XKR6: variants seen among roughly 807,000 people sequenced by gnomAD.
The protein encoded by XKR6 is XK-related protein 6.
In XKR6, 22 loss-of-function variants were observed where a neutral mutation model predicts 56.7. The ratio of observed to expected loss-of-function variants is 0.39; its 90% confidence interval spans 0.28 to 0.55. The LOEUF (loss-of-function observed/expected upper bound fraction) is 0.55, where lower values mean the gene tolerates loss of function less well. Ranked by LOEUF, XKR6 falls within the 20% of genes least tolerant of loss-of-function variation. The pLI is 0.66. For synonymous variants in XKR6, 524 were observed against 387.8 expected (o/e 1.35, Z -4.13); for missense variants, 852 against 889.0 (o/e 0.96, Z 0.53).
chr8:11,161,218 G>A (rs765935676), intron 1 of XKR6, among the ~76,000 whole-genome samples: 11 of 152,232 alleles, frequency 7.2e-5, no homozygotes, highest in African/African-American at 2.6e-4. Flanking sequence ...AAACGCTTCC[G>A]AGTATCTCCC....
intron 1 of XKR6, among the ~76,000 whole-genome samples, chr8:11,198,818 T>C (rs1396560318): frequency 2.6e-5 from 4 of 152,104 alleles, no homozygotes; most frequent in African/African-American, 4.8e-5. Context: ...TGCTGCTGAA[T>C]TCTACTGGTA....
intron 1 of XKR6, among the ~76,000 whole-genome samples, chr8:10,960,146 G>A (rs1283786977): frequency 2.0e-5 from 3 of 152,230 alleles, no homozygotes; most frequent in Non-Finnish European, 4.4e-5. Context: ...TCTTTTCCTA[G>A]GCAGTTAGTT....
chr8:10,912,308 A>G (rs1284547942), intron 2 of XKR6, among the ~76,000 whole-genome samples: 3 of 13,272 alleles, frequency 2.3e-4, no homozygotes, highest in African/African-American at 6.4e-4. Context: ...GAGAGGGTGT[A>G]TATATATATA....
rs139064787 is a variant in XKR6 at position 11,101,328 on chromosome 8, G to A, written c.764+99248C>T. ...GGAGCTGGTTATATTCATGCAGAGC[G>A]GCCTTGAAAAAGATGCCGTGATTGG... On this transcript the variant is annotated intron_variant, in intron 1 of 2. Coordinates refer to ENST00000416569, the MANE Select transcript of XKR6 (RefSeq NM_173683.4). Among the ~76,000 whole-genome samples, 47 of 152,190 alleles carry A rather than the reference G, an allele frequency of 3.1e-4. No individual in the cohort carries two copies. The East Asian group carries it at 6.6e-3, about 21-fold the overall frequency.
chr8:10,995,043 A>G (rs906438472), intron 1 of XKR6, among the ~76,000 whole-genome samples: 1 of 152,210 alleles, frequency 6.6e-6, no homozygotes, highest in Non-Finnish European at 1.5e-5. Context: ...TTGTACGAAC[A>G]GCATTGTCTG....
intron 1 of XKR6, among the ~76,000 whole-genome samples, chr8:10,928,780 C>G (rs1030470204): frequency 6.6e-6 from 1 of 152,202 alleles, no homozygotes; most frequent in East Asian, 1.9e-4. Context: ...CAAGCCCCCT[C>G]CTTCTCCACC....
Position 10,932,221 on chromosome 8 carries a change from G to T in XKR6, c.765-7391C>A, listed in dbSNP as rs141643163. On this transcript the variant is annotated intron_variant, in intron 1 of 2. Coordinates refer to ENST00000416569, the MANE Select transcript of XKR6 (RefSeq NM_173683.4). ...CACTGACACTATCAAGTGCTGTCAC[G>T]AATACAGAGCAACTAGAATGCTCAT... Among the ~76,000 whole-genome samples, 93 of 152,220 alleles carry T rather than the reference G, an allele frequency of 6.1e-4. 2 individuals carry two copies. In the East Asian group the frequency reaches 0.016, roughly 26 times the overall value.
At position 10,898,826 on chromosome 8, in the gene XKR6, C is replaced by T; in HGVS notation, c.1052G>A (p.Ser351Asn). The change falls in exon 3 of 3, where the codon AGC (serine) becomes AAC (asparagine). Residue 351 changes from serine to asparagine, a missense_variant. Ser to Asn is a conservative substitution (Grantham distance 46, BLOSUM62 1). Around this residue, in one of 4 missense-constraint regions of XKR6, gnomAD observed 199 missense variants for 280.4 expected, o/e 0.71. Transcript: ENST00000416569. The surrounding 1 kb of genome is among the most constrained non-coding windows in gnomAD (Gnocchi z 6.6). Reference sequence around the variant, plus strand: ...GATGATGGCCCCTCTGTAGCTCATGCTCTTCTTGTCGTCCCTGGAGTCCCG... The same window carrying T: ...GATGATGGCCCCTCTGTAGCTCATGTTCTTCTTGTCGTCCCTGGAGTCCCG... Reference protein sequence around the residue: ...LLRDSRDDKKSMSYRGAIIQV... With the variant: ...LLRDSRDDKKNMSYRGAIIQV... 6.2e-7 allele frequency: 1 copy of T among 1,614,186 alleles called. No individual in the cohort carries two copies. The highest frequency in any genetic ancestry group is 8.5e-7 in the Non-Finnish European group (1 of 1,180,046).
At chr8:10,931,314 G>A (rs1801043658) in intron 1 of XKR6, among the ~76,000 whole-genome samples, 1 of 152,052 alleles carries the variant, frequency 6.6e-6, no homozygotes. Context: ...CCATGTTCAG[G>A]GATTGGAAGA....
chr8:10,924,591 G>A (rs768430213), intron 2 of XKR6, 43 bp downstream of exon 2: 1 of 1,571,094 alleles, frequency 6.4e-7, no homozygotes, highest in Non-Finnish European at 8.7e-7. Flanking sequence ...TCCCCAGGTG[G>A]AGGGCAGGCC....
chr8:10,926,696 T>C (rs1800896107), intron 1 of XKR6, among the ~76,000 whole-genome samples: 1 of 152,162 alleles, frequency 6.6e-6, no homozygotes, highest in Non-Finnish European at 1.5e-5. Flanking sequence ...ATTCAACACA[T>C]GGGGAAACTG....
At chr8:11,091,474 G>A (rs550220313) in intron 1 of XKR6, among the ~76,000 whole-genome samples, 2 of 139,638 alleles carry the variant, frequency 1.4e-5, no homozygotes, top group Admixed American at 7.0e-5. Flanking sequence ...TAGATAAAAA[G>A]ATAAAGAAAA....
At chr8:11,023,825 C>T (rs57048767) in intron 1 of XKR6, among the ~76,000 whole-genome samples, 1 of 152,202 alleles carries the variant, frequency 6.6e-6, no homozygotes, top group Non-Finnish European at 1.5e-5. Flanking sequence ...AACCCTGTGC[C>T]TCTCTATGCC....
At chr8:11,145,241 C>T (rs567585840) in intron 1 of XKR6, among the ~76,000 whole-genome samples, 129 of 148,064 alleles carry the variant, frequency 8.7e-4, no homozygotes, top group African/African-American at 3.0e-3. Context: ...AAGCATGATG[C>T]AAATACTCCC....
intron 1 of XKR6, among the ~76,000 whole-genome samples, chr8:11,001,799 G>A (rs1015303468): frequency 1.1e-4 from 16 of 152,216 alleles, no homozygotes; most frequent in African/African-American, 3.9e-4. Flanking sequence ...GGGCAGAGCA[G>A]CCCAGGCCAG....
intron 1 of XKR6, among the ~76,000 whole-genome samples, chr8:11,012,516 C>A (rs1798524028): frequency 6.6e-6 from 1 of 152,104 alleles, no homozygotes; most frequent in African/African-American, 2.4e-5. Context: ...ATCACCATCA[C>A]CATCGACAGC....
At chr8:11,136,241 G>T (rs1004067007) in intron 1 of XKR6, among the ~76,000 whole-genome samples, 2 of 152,140 alleles carry the variant, frequency 1.3e-5, no homozygotes, top group Non-Finnish European at 2.9e-5. Context: ...CTGGCCTGGC[G>T]CGGCGGCTCA....
chr8:11,167,890 T>TAA (rs34853825), intron 1 of XKR6, among the ~76,000 whole-genome samples: 7 of 108,368 alleles, frequency 6.5e-5, no homozygotes, highest in South Asian at 3.3e-4. Flanking sequence ...CCCCATCTCT[T>TAA]AAAAAAAAAA....
Position 11,069,760 on chromosome 8 carries a change from T to A in XKR6, c.764+130816A>T, listed in dbSNP as rs573571141. Among the ~76,000 whole-genome samples, 124 of 152,210 alleles carry A rather than the reference T, an allele frequency of 8.1e-4. 1 individual carries two copies. In the South Asian group the frequency reaches 0.012, roughly 15 times the overall value. On this transcript the variant is annotated intron_variant, in intron 1 of 2. Coordinates refer to ENST00000416569, the MANE Select transcript of XKR6 (RefSeq NM_173683.4). The stretch of plus-strand genomic sequence containing the variant: ...TCTTTACTGCAGAGCCTCCAGAGCC[T>A]TCAGTGCACTACTGTGCAACTGGAT...
Sources: gnomAD v4.1 joint callset for allele counts (sites outside exome capture counted in the v4.1 genomes callset) on GRCh38, gnomAD v4.1.1 for gene constraint, gnomAD v4.1.1 regional missense constraint, Gnocchi (gnomAD v3.1) non-coding constraint, MANE v1.5 for transcripts, NCBI Gene and HGNC (gene_info 2026-07-23, HGNC 2026-07-21) for gene names.